RGL3: variants seen among roughly 807,000 people sequenced by gnomAD.
RGL3 encodes ral guanine nucleotide dissociation stimulator like 3, also known as ral guanine nucleotide dissociation stimulator-like 3.
Under a neutral mutation model 90.6 loss-of-function variants are expected in RGL3, and 85 were observed. That is an observed-to-expected ratio of 0.94 (90% CI 0.79 to 1.12). RGL3 has a LOEUF of 1.12. Among genes scored for constraint, RGL3 ranks in the 50% most tolerant of loss-of-function variants. The pLI is 0.00. For missense variants in RGL3, 1,034 were observed against 939.2 expected (o/e 1.10, Z -1.32); for synonymous variants, 408 against 385.5 (o/e 1.06, Z -0.68).
chr19:11,408,496 G>C (rs553186839), intron 5 of RGL3, among the ~76,000 whole-genome samples: 1 of 151,486 alleles, frequency 6.6e-6, no homozygotes, highest in Admixed American at 6.6e-5. Flanking sequence ...TGAGGCAGGA[G>C]AATCGCTTGA....
In RGL3 at chr19:11,406,440, C is replaced by T. The variant is rs1268486842; in HGVS notation, c.975G>A (p.Glu325=). Residue 325 remains glutamate (E), a synonymous_variant, in exon 7 of 19, where the codon GAG becomes GAA. Coordinates refer to ENST00000380456, the MANE Select transcript of RGL3 (RefSeq NM_001035223.4). ...ACACCTGGGCGATGCGGATCCACTT[C>T]TCCAGCCGCTGCGCCCTCTGCGGGG... The part of the protein sequence containing the change: ...LAAPQRAQRL[E]KWIRIAQRCR... The T allele has an allele frequency of 6.5e-7, 1 of 1,541,770 alleles. No individual in the cohort carries two copies. The highest frequency in any genetic ancestry group is 1.2e-5 in the South Asian group (1 of 84,154).
Position 11,402,034 on chromosome 19 carries a change from C to T in RGL3, c.1461G>A (p.Gln487=), listed in dbSNP as rs772493472. 6.4e-7 allele frequency: 1 copy of T among 1,560,654 alleles called. No homozygotes were observed. Among genetic ancestry groups the T allele is most frequent in the Non-Finnish European group, 8.7e-7 (1 of 1,153,576 alleles). The change falls in exon 13 of 19, where the codon CAG becomes CAA. Residue 487 remains glutamine, a synonymous_variant. Coordinates refer to ENST00000380456, the MANE Select transcript of RGL3 (RefSeq NM_001035223.4). ...HPPILAALHA[Q]NQLTEEQSYR... is the part of the protein sequence containing the mutation. ...ACCTCTGCTCCTCGGTGAGCTGGTTCTGGGCATGCAGGGCAGCCAGGATGG... is the reference window on the plus strand; with the variant it reads ...ACCTCTGCTCCTCGGTGAGCTGGTTTTGGGCATGCAGGGCAGCCAGGATGG...
At chr19:11,416,418 CT>C in intron 4 of RGL3, 195 bp downstream of exon 4, 4 of 665,678 alleles carry the variant, frequency 6.0e-6, no homozygotes, top group Non-Finnish European at 1.1e-5. Context: ...AGGATGGTCT[CT>C]AACTCCTGAC....
chr19:11,417,144 C>G (rs1969017033), intron 2 of RGL3, 85 bp from the exon 3 acceptor site: 3 of 931,386 alleles, frequency 3.2e-6, no homozygotes, highest in Middle Eastern at 4.9e-4. Flanking sequence ...ACTAGCACCA[C>G]TCTTTTTTTT....
Position 11,402,034 on chromosome 19 carries a change from C to A in RGL3, c.1461G>T (p.Gln487His), listed in dbSNP as rs772493472. The change falls in exon 13 of 19, where the codon CAG becomes CAT. Residue 487 changes from glutamine (Q) to histidine (H), a missense_variant. By Grantham distance (24) the Gln-to-His change is conservative. Coordinates refer to ENST00000380456, the MANE Select transcript of RGL3 (RefSeq NM_001035223.4). The stretch of plus-strand genomic sequence containing the variant: ...ACCTCTGCTCCTCGGTGAGCTGGTT[C>A]TGGGCATGCAGGGCAGCCAGGATGG... ...HPPILAALHA[Q>H]NQLTEEQSYR... 1 of 1,560,772 alleles carries A rather than the reference C, an allele frequency of 6.4e-7. No homozygotes were observed. The highest frequency in any genetic ancestry group is 8.7e-7 in the Non-Finnish European group (1 of 1,153,568).
chr19:11,397,727 G>T, intron 16 of RGL3, 130 bp from the exon 17 acceptor site: 1 of 1,015,908 alleles, frequency 9.8e-7, no homozygotes. Flanking sequence ...AGAAAACATT[G>T]GCTGGGCGCA....
At chr19:11,396,740 C>T (rs10402042) in intron 18 of RGL3, among the ~76,000 whole-genome samples, 5,309 of 149,974 alleles carry the variant, frequency 0.035, 304 homozygotes, top group African/African-American at 0.13. Flanking sequence ...TCTCGGCTCA[C>T]TGCAACCTCC....
At chr19:11,410,209 C>T (rs937594746) in intron 5 of RGL3, among the ~76,000 whole-genome samples, 2 of 149,786 alleles carry the variant, frequency 1.3e-5, no homozygotes, top group East Asian at 1.9e-4. Context: ...CCATGTTGGC[C>T]GGACTGGTCT....
Position 11,406,874 on chromosome 19 carries a change from A to G in RGL3, c.638-10T>C. On this transcript the variant is annotated splice_polypyrimidine_tract_variant and intron_variant, in intron 5 of 18. Transcript: ENST00000380456. ...GCAACTCTGGGAGGTCCTGATCATTAGAAAGGGTTACAAACTCTCAAGTTT... is the reference window on the plus strand; with the variant it reads ...GCAACTCTGGGAGGTCCTGATCATTGGAAAGGGTTACAAACTCTCAAGTTT... 2 of 1,610,900 alleles carry G rather than the reference A, an allele frequency of 1.2e-6. No homozygotes were observed. Among genetic ancestry groups the G allele is most frequent in the Non-Finnish European group, 1.7e-6 (2 of 1,178,656 alleles).
chr19:11,406,650 G>C lies in RGL3; in HGVS notation c.781-16C>G. The C allele has an allele frequency of 1.3e-6, 2 of 1,581,416 alleles. No homozygotes were observed. Among genetic ancestry groups the C allele is most frequent in the Non-Finnish European group, 1.7e-6 (2 of 1,163,368 alleles). Reference sequence around the variant, plus strand: ...AGAAGAGCTCCTGGGCCAGGGGAGGGGTGTGGGATTGGTGCTTAGCAGAAC... The same window carrying C: ...AGAAGAGCTCCTGGGCCAGGGGAGGCGTGTGGGATTGGTGCTTAGCAGAAC... On this transcript the variant is annotated splice_polypyrimidine_tract_variant and intron_variant, in intron 6 of 18. Transcript: ENST00000380456.
intron 18 of RGL3, 31 bp downstream of exon 18, chr19:11,397,213 C>G (rs1225824787): frequency 1.9e-6 from 3 of 1,595,738 alleles, no homozygotes; most frequent in Admixed American, 3.4e-5. Flanking sequence ...CCGCTGCCCC[C>G]TATCCTGAGC....
At position 11,406,405 on chromosome 19, in the gene RGL3, C is replaced by T. The variant is rs1245648891; in HGVS notation, c.996+14G>A. On this transcript the variant is annotated intron_variant, in intron 7 of 18. Transcript: ENST00000380456. ...GGCCCGCCCCCGCATCCCCTCTCCG[C>T]GCCCGCAACACACCTGGGCGATGCG... The T allele has an allele frequency of 1.3e-6, 2 of 1,525,330 alleles. No individual in the cohort carries two copies. The highest frequency in any genetic ancestry group is 1.4e-5 in the African/African-American group (1 of 72,718). The allele number at this position is 1,525,330 out of a possible 1,614,324, so 94.5% of individuals were successfully genotyped here. A position where few individuals can be genotyped will look rare whatever the true frequency, so the allele number is the denominator to read the frequency against.
intron 5 of RGL3, among the ~76,000 whole-genome samples, chr19:11,409,625 G>T (rs1156689998): frequency 6.6e-6 from 1 of 152,214 alleles, no homozygotes; most frequent in East Asian, 1.9e-4. Context: ...GACCACGAAA[G>T]TCTGGGCTTT....
In RGL3 at chr19:11,400,220, A is replaced by G; in HGVS notation, c.1562T>C (p.Leu521Pro). 1 of 1,592,934 alleles carries G rather than the reference A, an allele frequency of 6.3e-7. No individual in the cohort carries two copies. Among genetic ancestry groups the G allele is most frequent in the Non-Finnish European group, 8.6e-7 (1 of 1,168,978 alleles). The change falls in exon 14 of 19, where the codon CTC (leucine) becomes CCC (proline). Residue 521 changes from leucine (L) to proline (P), a missense_variant. Coordinates refer to ENST00000380456, the MANE Select transcript of RGL3 (RefSeq NM_001035223.4). The stretch of plus-strand genomic sequence containing the variant: ...GACTCACGCACTGAGACGCTTGGTG[A>G]GGCTGATCCGCCGTCGGATGCGTGG... ...SSPRIRRRIS[L>P]TKRLSAKLAR... is the part of the protein sequence containing the mutation.
At position 11,405,209 on chromosome 19, in the gene RGL3, T is replaced by G; in HGVS notation, c.1123A>C (p.Lys375Gln). 6.2e-7 allele frequency: 1 copy of G among 1,614,160 alleles called. No homozygotes were observed. Among genetic ancestry groups the G allele is most frequent in the Non-Finnish European group, 8.5e-7 (1 of 1,180,022 alleles). ...VSREPLSTFR[K>Q]LSQIFSDENN... Reference sequence around the variant, plus strand: ...TCATCGGAGAAAATCTGCGAAAGTTTCCTGAAAGTAGATAGCGGTTCCCTG... The same window carrying G: ...TCATCGGAGAAAATCTGCGAAAGTTGCCTGAAAGTAGATAGCGGTTCCCTG... The change falls in exon 9 of 19, where the codon AAA (lysine) becomes CAA (glutamine). Residue 375 changes from lysine to glutamine, a missense_variant. Lys to Gln is a moderately conservative substitution (Grantham distance 53). Transcript: ENST00000380456.
chr19:11,396,128 C>CTATA (rs1174694619), intron 18 of RGL3, among the ~76,000 whole-genome samples: 12 of 54,888 alleles, frequency 2.2e-4, no homozygotes, highest in Non-Finnish European at 3.5e-4. Context: ...CTCTCTCTCT[C>CTATA]TCTCTCTCTA....
At chr19:11,414,152 T>TATATATATATATATATATATACAC (rs1968921069) in intron 5 of RGL3, among the ~76,000 whole-genome samples, 1 of 84,294 alleles carries the variant, frequency 1.2e-5, no homozygotes, top group Non-Finnish European at 2.3e-5. Flanking sequence ...TATATATATA[T>TATATATATATATATATATATACAC]ATATATATAT....
intron 9 of RGL3, 128 bp downstream of exon 9, chr19:11,405,019 G>A: frequency 5.0e-6 from 4 of 799,090 alleles, no homozygotes; most frequent in South Asian, 1.5e-5. Context: ...ACAAGGATAA[G>A]GTCATTGCTG....
intron 5 of RGL3, among the ~76,000 whole-genome samples, chr19:11,415,427 G>T (rs989559414): frequency 2.0e-5 from 3 of 151,656 alleles, no homozygotes; most frequent in Non-Finnish European, 4.4e-5. Flanking sequence ...CTGACCCAAC[G>T]GCACCAAGGA....
Sources: gnomAD v4.1 joint callset for allele counts (sites outside exome capture counted in the v4.1 genomes callset) on GRCh38, gnomAD v4.1.1 for gene constraint, MANE v1.5 for transcripts, NCBI Gene and HGNC (gene_info 2026-07-23, HGNC 2026-07-21) for gene names.